The following CACNB2 variants were observed in gnomAD, a reference collection of about 807,000 sequenced individuals.
CACNB2 encodes calcium voltage-gated channel auxiliary subunit beta 2.
Under a neutral mutation model 73.3 loss-of-function variants are expected in CACNB2, and 42 were observed. The observed-to-expected ratio is 0.57, with a 90% CI of 0.45 to 0.74. The LOEUF is 0.74. CACNB2 is among the 30% of genes least tolerant of loss of function. The pLI, the probability that CACNB2 is intolerant of heterozygous loss-of-function variation, is 0.00. For missense variants in CACNB2, 940 were observed against 853.0 expected (o/e 1.10, Z -1.27); for synonymous variants, 348 against 310.3 (o/e 1.12, Z -1.28).
At chr10:18,252,725 G>T (rs111331049) in intron 2 of CACNB2, among the ~76,000 whole-genome samples, 13 of 152,280 alleles carry the variant, frequency 8.5e-5, no homozygotes, top group African/African-American at 3.1e-4. Flanking sequence ...TTTATAAGAA[G>T]ATACTTGTGG....
intron 2 of CACNB2, among the ~76,000 whole-genome samples, chr10:18,174,922 C>T (rs942027969): frequency 6.6e-6 from 1 of 152,074 alleles, no homozygotes; most frequent in African/African-American, 2.4e-5. Context: ...CTTTGGTTTT[C>T]AGACAGAAAA....
intron 2 of CACNB2, among the ~76,000 whole-genome samples, chr10:18,271,731 C>T (rs1250349000): frequency 1.3e-5 from 2 of 152,160 alleles, no homozygotes; most frequent in Non-Finnish European, 2.9e-5. Context: ...CTGAATAGAT[C>T]TGTTTCCCAT....
intron 3 of CACNB2, among the ~76,000 whole-genome samples, chr10:18,448,634 C>T (rs546337481): frequency 2.6e-5 from 4 of 152,236 alleles, no homozygotes; most frequent in African/African-American, 7.2e-5. Flanking sequence ...GCCTAAGAAC[C>T]GGCCTTTCTA....
At position 18,356,170 on chromosome 10, in the gene CACNB2, T is replaced by C. The variant is rs548407601; in HGVS notation, c.214-45754T>C. 5.3e-5 allele frequency among the ~76,000 whole-genome samples: 8 copies of C among 152,300 alleles called. 1 individual carries two copies. In the South Asian group the frequency reaches 1.7e-3, roughly 32 times the overall value. On this transcript the variant is annotated intron_variant, in intron 2 of 13. Coordinates refer to ENST00000324631, the MANE Select transcript of CACNB2 (RefSeq NM_201596.3). Reference sequence around the variant, plus strand: ...CCCGCTGTAATATTGCTTACCCATCTTGATTCCTTCAAGGATGAAGCTGCC... The same window carrying C: ...CCCGCTGTAATATTGCTTACCCATCCTGATTCCTTCAAGGATGAAGCTGCC...
intron 2 of CACNB2, among the ~76,000 whole-genome samples, chr10:18,291,991 G>C (rs1037793411): frequency 6.6e-6 from 1 of 152,112 alleles, no homozygotes; most frequent in Non-Finnish European, 1.5e-5. Flanking sequence ...TAAACACTCA[G>C]TTTGTTTTGC....
chr10:18,233,144 T>C (rs1478801722), intron 2 of CACNB2, among the ~76,000 whole-genome samples: 1 of 152,188 alleles, frequency 6.6e-6, no homozygotes, highest in Non-Finnish European at 1.5e-5. Context: ...TCACACATAC[T>C]TCTGCCTTGA....
At chr10:18,484,890 C>G (rs112295480) in intron 3 of CACNB2, among the ~76,000 whole-genome samples, 6 of 152,294 alleles carry the variant, frequency 3.9e-5, no homozygotes, top group African/African-American at 1.4e-4. Flanking sequence ...CGCGATGGCT[C>G]ACGCCTGTAA....
At chr10:18,294,202 A>G (rs1042980473) in intron 2 of CACNB2, among the ~76,000 whole-genome samples, 3 of 152,220 alleles carry the variant, frequency 2.0e-5, no homozygotes, top group African/African-American at 7.2e-5. Flanking sequence ...ATCTTGTGGA[A>G]CACTGCAAGC....
chr10:18,499,385 A>G (rs1271391935), intron 4 of CACNB2, among the ~76,000 whole-genome samples: 3 of 152,134 alleles, frequency 2.0e-5, no homozygotes, highest in Non-Finnish European at 4.4e-5. Flanking sequence ...TGGGAGGCCA[A>G]GGTGGGCGGA....
chr10:18,217,650 T>C (rs968073219), intron 2 of CACNB2, among the ~76,000 whole-genome samples: 1 of 151,460 alleles, frequency 6.6e-6, no homozygotes, highest in African/African-American at 2.4e-5. Context: ...AGAGTGACAT[T>C]TGAGCAAAAC....
At chr10:18,402,944 CTA>C (rs1261520035) in intron 3 of CACNB2, among the ~76,000 whole-genome samples, 1 of 152,164 alleles carries the variant, frequency 6.6e-6, no homozygotes, top group Admixed American at 6.5e-5. Context: ...TGAGTAAAAT[CTA>C]TGTGTGTTGC....
Position 18,220,244 on chromosome 10 carries a change from G to GAC in CACNB2, c.213+69270_213+69271insCA, listed in dbSNP as rs1564354095. Among the ~76,000 whole-genome samples the GAC allele has an allele frequency of 4.4e-4, 43 of 97,492 alleles. 2 individuals carry two copies. The highest frequency in any genetic ancestry group is 1.9e-3 in the African/African-American group (37 of 19,482). The allele number at this position is 97,492 out of a possible 152,430, so 64.0% of individuals were successfully genotyped here. On this transcript the variant is annotated intron_variant, in intron 2 of 13. Coordinates refer to ENST00000324631, the MANE Select transcript of CACNB2 (RefSeq NM_201596.3). The stretch of plus-strand genomic sequence containing the variant: ...ATATATATATATATAGAGAGAGAGA[G>GAC]AGAGAGAGAGAGAGAGAGAGAGAGA...
At chr10:18,425,848 C>T (rs969966055) in intron 3 of CACNB2, among the ~76,000 whole-genome samples, 5 of 152,114 alleles carry the variant, frequency 3.3e-5, no homozygotes, top group South Asian at 2.1e-4. Context: ...ATGTAGAATA[C>T]CTGTTTGTTC....
chr10:18,467,029 C>A (rs922318229), intron 3 of CACNB2, among the ~76,000 whole-genome samples: 1 of 152,092 alleles, frequency 6.6e-6, no homozygotes, highest in Non-Finnish European at 1.5e-5. Flanking sequence ...TGGCAGGTGC[C>A]TGTAATCCCA....
intron 3 of CACNB2, among the ~76,000 whole-genome samples, chr10:18,474,624 A>G (rs949817634): frequency 2.6e-5 from 4 of 152,146 alleles, no homozygotes; most frequent in African/African-American, 4.8e-5. Flanking sequence ...AGATCTGTGA[A>G]GCACATCTAC....
At chr10:18,308,010 T>TTTTTTTTG (rs2039809925) in intron 2 of CACNB2, among the ~76,000 whole-genome samples, 1 of 132,742 alleles carries the variant, frequency 7.5e-6, no homozygotes, top group African/African-American at 2.7e-5. Flanking sequence ...TTTTTTTTTT[T>TTTTTTTTG]GAGGTAGAGT....
At chr10:18,497,257 T>C (rs1564618753) in intron 3 of CACNB2, among the ~76,000 whole-genome samples, 2 of 147,566 alleles carry the variant, frequency 1.4e-5, no homozygotes, top group Non-Finnish European at 1.5e-5. Context: ...AAGAAATATA[T>C]AGAAGCAATC....
intron 2 of CACNB2, among the ~76,000 whole-genome samples, chr10:18,378,710 C>T (rs1246799873): frequency 6.6e-6 from 1 of 152,060 alleles, no homozygotes; most frequent in Non-Finnish European, 1.5e-5. Flanking sequence ...ATGATGGCAC[C>T]ACTGCACTCC....
chr10:18,523,507 A>T (rs10828835), intron 9 of CACNB2, among the ~76,000 whole-genome samples: 1 of 151,754 alleles, frequency 6.6e-6, no homozygotes, highest in Admixed American at 6.6e-5. Flanking sequence ...AGTAACTTTC[A>T]TATGGTTTAA....
Sources: allele counts gnomAD v4.1 joint callset (sites outside exome capture counted in the v4.1 genomes callset), GRCh38; gene constraint gnomAD v4.1.1; transcripts MANE v1.5; gene names NCBI Gene and HGNC (gene_info 2026-07-23, HGNC 2026-07-21).